The following MAPKAP1 variants were observed in gnomAD, a reference collection of about 807,000 sequenced individuals.
MAPKAP1 encodes the protein MAPK associated protein 1.
In MAPKAP1, 20 loss-of-function variants were observed where a neutral mutation model predicts 65.7. The observed-to-expected ratio is 0.30, with a 90% confidence interval of 0.21 to 0.44. MAPKAP1 has a LOEUF of 0.44. Ranked by LOEUF, MAPKAP1 falls within the 20% of genes least tolerant of loss-of-function variation. MAPKAP1 has a pLI of 1.00. For missense variants in MAPKAP1, 423 were observed against 648.0 expected (o/e 0.65, Z 3.77); for synonymous variants, 222 against 244.3 (o/e 0.91, Z 0.85).
At chr9:125,660,194 G>C (rs548365306) in intron 3 of MAPKAP1, among the ~76,000 whole-genome samples, 1 of 152,104 alleles carries the variant, frequency 6.6e-6, no homozygotes, top group Admixed American at 6.6e-5. Flanking sequence ...TCATCCAGTC[G>C]TATGCTTTTA....
At chr9:125,502,220 G>GC (rs2133074349) in intron 8 of MAPKAP1, among the ~76,000 whole-genome samples, 1 of 151,648 alleles carries the variant, frequency 6.6e-6, no homozygotes, top group African/African-American at 2.4e-5. Flanking sequence ...CCCTGCCTCA[G>GC]CCCCCCTAGC....
At chr9:125,627,072 C>T (rs1398212913) in intron 4 of MAPKAP1, among the ~76,000 whole-genome samples, 1 of 152,124 alleles carries the variant, frequency 6.6e-6, no homozygotes, top group African/African-American at 2.4e-5. Context: ...AAAAATCAAA[C>T]AAGCCAACAA....
intron 5 of MAPKAP1, among the ~76,000 whole-genome samples, chr9:125,563,460 G>A (rs548280441): frequency 3.9e-5 from 6 of 152,248 alleles, no homozygotes; most frequent in Admixed American, 2.0e-4. Context: ...TTGGATCTCC[G>A]AAATTCAAGC....
intron 6 of MAPKAP1, among the ~76,000 whole-genome samples, chr9:125,544,587 C>T (rs1181813665): frequency 1.3e-5 from 2 of 152,206 alleles, no homozygotes; most frequent in East Asian, 1.9e-4. Context: ...ACAAATACTA[C>T]TCACTACACT....
chr9:125,455,070 AT>A (rs1853115668), intron 10 of MAPKAP1, among the ~76,000 whole-genome samples: 1 of 152,118 alleles, frequency 6.6e-6, no homozygotes, highest in Admixed American at 6.5e-5. Flanking sequence ...AATAAAAAAA[AT>A]GAGAAAACAT....
intron 4 of MAPKAP1, among the ~76,000 whole-genome samples, chr9:125,603,436 C>A (rs1449694774): frequency 6.6e-6 from 1 of 152,122 alleles, no homozygotes; most frequent in Admixed American, 6.5e-5. Context: ...AACATGGCAT[C>A]GAGCTCCAAC....
At chr9:125,705,531 ATC>A (rs1221733740) in intron 1 of MAPKAP1, among the ~76,000 whole-genome samples, 3 of 152,162 alleles carry the variant, frequency 2.0e-5, no homozygotes, top group Non-Finnish European at 4.4e-5. Context: ...CATTTCCCTT[ATC>A]TCTCTTTCAC....
chr9:125,495,017 T>A (rs908443854), intron 8 of MAPKAP1, among the ~76,000 whole-genome samples: 2 of 152,106 alleles, frequency 1.3e-5, no homozygotes, highest in African/African-American at 4.8e-5. Flanking sequence ...CACTTAAGGG[T>A]CTGGACCAAT....
intron 6 of MAPKAP1, among the ~76,000 whole-genome samples, chr9:125,547,137 G>A (rs544616702): frequency 1.3e-3 from 196 of 152,274 alleles, no homozygotes; most frequent in Non-Finnish European, 1.9e-3. Flanking sequence ...GTTCAGCTCC[G>A]TCCCAGCGCA....
At chr9:125,580,355 C>T (rs1021145641) in intron 5 of MAPKAP1, among the ~76,000 whole-genome samples, 19 of 151,908 alleles carry the variant, frequency 1.3e-4, no homozygotes, top group Non-Finnish European at 2.4e-4. Flanking sequence ...ACTATGCAGC[C>T]GTAAAAAAGG....
chr9:125,694,925 C>T (rs1046184616), intron 1 of MAPKAP1, among the ~76,000 whole-genome samples: 1 of 152,162 alleles, frequency 6.6e-6, no homozygotes, highest in African/African-American at 2.4e-5. Flanking sequence ...TGACAGAGGT[C>T]TGTCATTGAA....
intron 5 of MAPKAP1, chr9:125,567,635 G>C (rs1831099904): frequency 6.6e-6 from 1 of 152,188 alleles, no homozygotes; most frequent in African/African-American, 2.4e-5. Flanking sequence ...TAATAAACTT[G>C]CTTTCACTTT....
chr9:125,565,498 G>C (rs1444454586), intron 5 of MAPKAP1: 4 of 178,944 alleles, frequency 2.2e-5, no homozygotes, highest in Non-Finnish European at 5.3e-5. Context: ...TAAATGTCCA[G>C]AACTCTCATT....
chr9:125,453,309 A>C lies in MAPKAP1; in HGVS notation c.1346-8711T>G, dbSNP rs114339975. ...TCGTACTCCTGACCTCAGATGATCT[A>C]TCTGCCTCGGCCTCTCAAAGTGTTG... is the stretch of plus-strand genomic sequence containing the variant. On this transcript the variant is annotated intron_variant, in intron 10 of 11. Transcript: ENST00000265960. Among the ~76,000 whole-genome samples, 670 of 152,378 alleles carry C rather than the reference A, an allele frequency of 4.4e-3. 5 individuals carry two copies. The highest frequency in any genetic ancestry group is 0.015 in the African/African-American group (624 of 41,590).
At chr9:125,640,955 TA>T (rs1833560557) in intron 4 of MAPKAP1, among the ~76,000 whole-genome samples, 2 of 152,226 alleles carry the variant, frequency 1.3e-5, no homozygotes, top group Admixed American at 1.3e-4. Flanking sequence ...TGAAATAGTA[TA>T]AACTCCAAAA....
chr9:125,600,767 T>C (rs915466085), intron 4 of MAPKAP1, among the ~76,000 whole-genome samples: 2 of 152,172 alleles, frequency 1.3e-5, no homozygotes, highest in Non-Finnish European at 2.9e-5. Context: ...AGGTATAATC[T>C]AGCCATCTTC....
chr9:125,592,763 C>T (rs1320212826), intron 4 of MAPKAP1, among the ~76,000 whole-genome samples: 5 of 151,616 alleles, frequency 3.3e-5, no homozygotes, highest in Admixed American at 6.6e-5. Context: ...ATTAGCCGGG[C>T]GTGGTGGTAG....
chr9:125,596,360 T>C, intron 4 of MAPKAP1: 6 of 786,152 alleles, frequency 7.6e-6, no homozygotes, highest in South Asian at 1.3e-5. Flanking sequence ...GTGGCAACCA[T>C]GGTGGTGGTG....
intron 4 of MAPKAP1, among the ~76,000 whole-genome samples, chr9:125,593,546 C>G (rs1832033984): frequency 6.6e-6 from 1 of 152,044 alleles, no homozygotes; most frequent in Non-Finnish European, 1.5e-5. Context: ...CCTGTAGTCC[C>G]AGCTACTTGA....
Sources: allele counts gnomAD v4.1 joint callset (sites outside exome capture counted in the v4.1 genomes callset), GRCh38; gene constraint gnomAD v4.1.1; transcripts MANE v1.5; gene names NCBI Gene and HGNC (gene_info 2026-07-23, HGNC 2026-07-21).